The following BIRC6 variants were observed in gnomAD, a reference collection of about 807,000 sequenced individuals.
BIRC6 encodes the protein dual E2 ubiquitin-conjugating enzyme/E3 ubiquitin-protein ligase BIRC6.
BIRC6 carries 98 observed loss-of-function variants against 503.3 expected under a neutral mutation model. The ratio of observed to expected loss-of-function variants is 0.19; its 90% CI spans 0.17 to 0.23. The LOEUF is 0.23. BIRC6 is among the 10% of genes least tolerant of loss of function. The pLI is 1.00. For missense variants in BIRC6, 5,360 were observed against 5,806.0 expected (o/e 0.92, Z 2.50); for synonymous variants, 2,240 against 2,078.7 (o/e 1.08, Z -2.11).
At chr2:32,604,733 T>C (rs1362759538) in intron 71 of BIRC6, among the ~76,000 whole-genome samples, 2 of 152,206 alleles carry the variant, frequency 1.3e-5, no homozygotes, top group Admixed American at 6.5e-5. Flanking sequence ...TTCTTTTTTG[T>C]TTAACTTTTA....
intron 1 of BIRC6, among the ~76,000 whole-genome samples, chr2:32,375,612 A>G (rs1470848269): frequency 6.6e-6 from 1 of 152,092 alleles, no homozygotes; most frequent in African/African-American, 2.4e-5. Context: ...CTTGATACGT[A>G]CCATAGACTG....
chr2:32,416,993 G>C (rs1409936431), intron 10 of BIRC6, among the ~76,000 whole-genome samples: 1 of 151,864 alleles, frequency 6.6e-6, no homozygotes, highest in African/African-American at 2.4e-5. Flanking sequence ...GTGGCACCAT[G>C]CCCGGCTAAT....
chr2:32,468,731 T>A lies in BIRC6; in HGVS notation c.6075T>A (p.Thr2025=), dbSNP rs1216721637. The change falls in exon 29 of 74, where the codon ACT becomes ACA. Residue 2025 remains threonine, a synonymous_variant. Transcript: ENST00000421745. ...CATCTTCCACAGAGCAGTTACGTAC[T>A]ATCATCAGATATTTACTGGACACTT... ...IQTSSTEQLR[T]IIRYLLDTLL... The A allele has an allele frequency of 3.1e-6, 5 of 1,612,684 alleles. No homozygotes were observed. In the African/African-American group the frequency reaches 6.7e-5, roughly 22 times the overall value.
At chr2:32,432,670 G>A (rs1460749792) in intron 12 of BIRC6, among the ~76,000 whole-genome samples, 1 of 151,432 alleles carries the variant, frequency 6.6e-6, no homozygotes, top group East Asian at 1.9e-4. Context: ...TGAGGTGGGA[G>A]AATCACTTGA....
intron 12 of BIRC6, among the ~76,000 whole-genome samples, chr2:32,433,219 G>C (rs1174361991): frequency 6.6e-6 from 1 of 152,076 alleles, no homozygotes; most frequent in African/African-American, 2.4e-5. Flanking sequence ...AAATTTAGTG[G>C]AGGAGTTTGG....
chr2:32,423,433 C>T (rs2150156269), intron 10 of BIRC6, among the ~76,000 whole-genome samples: 1 of 152,282 alleles, frequency 6.6e-6, no homozygotes, highest in South Asian at 2.1e-4. Flanking sequence ...TAAACAAAAA[C>T]TCTGTAACCA....
chr2:32,476,436 C>G (rs1354986986), intron 34 of BIRC6, 92 bp downstream of exon 34: 13 of 1,358,276 alleles, frequency 9.6e-6, no homozygotes, highest in Non-Finnish European at 1.3e-5. Context: ...ATACATTACT[C>G]TGCTTAACAG....
At chr2:32,466,175 T>G (rs1227724544) in intron 26 of BIRC6, among the ~76,000 whole-genome samples, 1 of 152,190 alleles carries the variant, frequency 6.6e-6, no homozygotes, top group East Asian at 1.9e-4. Flanking sequence ...ATAGCACTAT[T>G]CCTAGAAGTT....
chr2:32,570,607 T>A (rs754084017), intron 65 of BIRC6, among the ~76,000 whole-genome samples: 2 of 152,158 alleles, frequency 1.3e-5, no homozygotes, highest in African/African-American at 2.4e-5. Context: ...CAAGCGATTC[T>A]CCTGCCTCAG....
chr2:32,443,836 G>T (rs944103785), intron 20 of BIRC6, among the ~76,000 whole-genome samples: 4 of 152,134 alleles, frequency 2.6e-5, no homozygotes, highest in African/African-American at 9.7e-5. Context: ...CTATTTTTCT[G>T]TACTTCATTA....
chr2:32,464,957 C>A (rs1289907168), intron 25 of BIRC6, 108 bp from the exon 26 acceptor site: 7 of 1,332,726 alleles, frequency 5.3e-6, no homozygotes, highest in Non-Finnish European at 3.1e-6. Context: ...TATTACAGTA[C>A]ATACATTAAG....
Position 32,503,184 on chromosome 2 carries a change from A to G in BIRC6, c.9447A>G (p.Ile3149Met), listed in dbSNP as rs1450724774. 6.2e-7 allele frequency: 1 copy of G among 1,613,278 alleles called. No individual in the cohort carries two copies. The highest frequency in any genetic ancestry group is 8.5e-7 in the Non-Finnish European group (1 of 1,179,626). The change falls in exon 49 of 74, where the codon ATA becomes ATG. Residue 3149 changes from isoleucine to methionine, a missense_variant. Around this residue, in one of 16 missense-constraint regions of BIRC6, gnomAD observed 267 missense variants for 287.6 expected, o/e 0.93. Transcript: ENST00000421745. Reference protein sequence around the residue: ...KAVDSTLKTRILASEPDNAEG... With the variant: ...KAVDSTLKTRMLASEPDNAEG... Reference sequence around the variant, plus strand: ...TTGACAGCACATTGAAAACAAGAATACTAGCTTCTGAGCCTGACAATGCTG... The same window carrying G: ...TTGACAGCACATTGAAAACAAGAATGCTAGCTTCTGAGCCTGACAATGCTG...
intron 23 of BIRC6, among the ~76,000 whole-genome samples, chr2:32,460,195 TATATATC>T (rs1332849662): frequency 7.2e-6 from 1 of 138,240 alleles, no homozygotes; most frequent in East Asian, 2.0e-4. Context: ...TCATATGTGA[TATATATC>T]ATATATGATA....
chr2:32,461,343 A>AGTGTGTGT (rs373274536), intron 23 of BIRC6, among the ~76,000 whole-genome samples: 1,689 of 132,096 alleles, frequency 0.013, 26 homozygotes, highest in African/African-American at 0.037. Flanking sequence ...ATGCCTGGCT[A>AGTGTGTGT]GTGTGTGTGT....
intron 1 of BIRC6, among the ~76,000 whole-genome samples, chr2:32,365,681 T>C (rs2034818662): frequency 6.6e-6 from 1 of 152,134 alleles, no homozygotes; most frequent in African/African-American, 2.4e-5. Flanking sequence ...GTCTGCCTTA[T>C]GTAGGTAACA....
intron 70 of BIRC6, among the ~76,000 whole-genome samples, chr2:32,600,406 A>G (rs1448366972): frequency 6.6e-6 from 1 of 152,240 alleles, no homozygotes; most frequent in Admixed American, 6.5e-5. Context: ...AAAATCTAGA[A>G]GAGAAGAATT....
intron 5 of BIRC6, among the ~76,000 whole-genome samples, chr2:32,393,238 C>G (rs2039469702): frequency 6.6e-6 from 1 of 151,288 alleles, no homozygotes; most frequent in South Asian, 2.1e-4. Flanking sequence ...AAGAATTAGT[C>G]AAGAAAAACA....
intron 1 of BIRC6, among the ~76,000 whole-genome samples, chr2:32,375,886 G>A (rs917102354): frequency 1.3e-5 from 2 of 151,842 alleles, no homozygotes; most frequent in African/African-American, 4.8e-5. Context: ...CACTAAACCC[G>A]ATGAAAATAC....
At chr2:32,527,911 A>T (rs1031812911) in intron 59 of BIRC6, 9 of 152,336 alleles carry the variant, frequency 5.9e-5, no homozygotes, top group African/African-American at 2.2e-4. Flanking sequence ...CATGGTGAAA[A>T]TGTATGGTGG....
Sources: allele counts gnomAD v4.1 joint callset (sites outside exome capture counted in the v4.1 genomes callset), GRCh38; gene constraint gnomAD v4.1.1; regional missense constraint gnomAD v4.1.1; transcripts MANE v1.5; gene names NCBI Gene and HGNC (gene_info 2026-07-23, HGNC 2026-07-21).